ATF6: variants seen among roughly 807,000 people sequenced by gnomAD.
ATF6 encodes cyclic AMP-dependent transcription factor ATF-6 alpha.
A neutral mutation model predicts 83.6 loss-of-function variants in ATF6; 53 were observed. That is an observed-to-expected ratio of 0.63 (90% CI 0.51 to 0.80). ATF6 has a LOEUF of 0.80. Among genes scored for constraint, ATF6 ranks in the 30% least tolerant of loss-of-function variants. The probability of loss-of-function intolerance (pLI) is 0.00; values close to 1 mark genes in which losing one functional copy is unlikely to be tolerated. For missense variants in ATF6, 744 were observed against 797.9 expected (o/e 0.93, Z 0.81); for synonymous variants, 288 against 285.8 (o/e 1.01, Z -0.08).
intron 9 of ATF6, among the ~76,000 whole-genome samples, chr1:161,823,006 A>G (rs1278681645): frequency 6.6e-6 from 1 of 152,158 alleles, no homozygotes; most frequent in Admixed American, 6.5e-5. Flanking sequence ...ATTCTCTTTT[A>G]ATACTACATA....
rs933368387 is a variant in ATF6, at chr1:161,834,619, C to G, written c.1188-11830C>G. Among the ~76,000 whole-genome samples the G allele has an allele frequency of 3.7e-5, 4 of 109,544 alleles. No homozygotes were observed. In the Admixed American group the frequency reaches 4.1e-4, roughly 11 times the overall value. 71.9% of individuals were successfully genotyped at this position (109,544 alleles called of 152,430 possible). ...AAAGGGGAACATCACACACTGGAGA[C>G]TGTTGTGGTGTGGGGGGAGGGGGGA... On this transcript the variant is annotated intron_variant, in intron 9 of 15. Transcript: ENST00000367942.
chr1:161,828,719 A>G (rs1358684708), intron 9 of ATF6, among the ~76,000 whole-genome samples: 1 of 152,238 alleles, frequency 6.6e-6, no homozygotes, highest in Non-Finnish European at 1.5e-5. Context: ...TAATCAGGTT[A>G]GAGCCTAAAT....
intron 1 of ATF6, among the ~76,000 whole-genome samples, chr1:161,771,000 T>C (rs1419183177): frequency 6.6e-6 from 1 of 152,236 alleles, no homozygotes; most frequent in Non-Finnish European, 1.5e-5. Context: ...ACATTTGGTG[T>C]TGCCAGTACT....
At chr1:161,772,967 T>G (rs897088038) in intron 1 of ATF6, among the ~76,000 whole-genome samples, 4 of 143,820 alleles carry the variant, frequency 2.8e-5, no homozygotes, top group Admixed American at 7.0e-5. Flanking sequence ...ACTCCTGTTT[T>G]TTTTTTTTTT....
At chr1:161,828,859 G>T (rs1204764004) in intron 9 of ATF6, among the ~76,000 whole-genome samples, 1 of 152,116 alleles carries the variant, frequency 6.6e-6, no homozygotes, top group African/African-American at 2.4e-5. Context: ...CTTTATAAAA[G>T]AAAGTGTCCA....
At chr1:161,939,243 CTCTT>C (rs1688597548) in intron 15 of ATF6, among the ~76,000 whole-genome samples, 2 of 152,206 alleles carry the variant, frequency 1.3e-5, no homozygotes, top group African/African-American at 4.8e-5. Flanking sequence ...TCTCATTTGA[CTCTT>C]TCTCTTCTCC....
At chr1:161,810,152 C>G in intron 7 of ATF6, among the ~76,000 whole-genome samples, 1 of 152,164 alleles carries the variant, frequency 6.6e-6, no homozygotes, top group Admixed American at 6.6e-5. Flanking sequence ...AGTCAGTTCT[C>G]ACACTTCTAT....
intron 1 of ATF6, among the ~76,000 whole-genome samples, chr1:161,769,876 T>A (rs1684345586): frequency 6.6e-6 from 1 of 151,892 alleles, no homozygotes; most frequent in African/African-American, 2.4e-5. Flanking sequence ...TGATGGGGAG[T>A]GGCTGTAAAT....
intron 9 of ATF6, among the ~76,000 whole-genome samples, chr1:161,826,064 T>C (rs1299070989): frequency 6.6e-6 from 1 of 152,208 alleles, no homozygotes; most frequent in Non-Finnish European, 1.5e-5. Context: ...TATTATTTCT[T>C]ATTATATCGC....
intron 9 of ATF6, among the ~76,000 whole-genome samples, chr1:161,836,098 G>T (rs2340715): frequency 0.14 from 21,540 of 152,122 alleles, 2,090 homozygotes; most frequent in East Asian, 0.31. Context: ...TAAGGAAAAG[G>T]TAACCACGGA....
At chr1:161,788,733 G>T (rs1216175847) in intron 4 of ATF6, among the ~76,000 whole-genome samples, 5 of 151,960 alleles carry the variant, frequency 3.3e-5, no homozygotes, top group Non-Finnish European at 7.4e-5. Flanking sequence ...ATTATGTAGG[G>T]ATCTAGCACT....
intron 3 of ATF6, 45 bp from the exon 4 acceptor site, chr1:161,783,945 G>C: frequency 1.5e-6 from 2 of 1,307,496 alleles, no homozygotes; most frequent in South Asian, 2.5e-5. Flanking sequence ...TTTATTATAA[G>C]TTTTTATTGT....
intron 15 of ATF6, among the ~76,000 whole-genome samples, chr1:161,941,914 G>C (rs879264201): frequency 8.6e-5 from 13 of 151,674 alleles, no homozygotes; most frequent in Non-Finnish European, 1.9e-4. Context: ...CTCATCCACT[G>C]TCTTCTTTGT....
At chr1:161,773,947 G>T (rs992617889) in intron 1 of ATF6, among the ~76,000 whole-genome samples, 3 of 151,930 alleles carry the variant, frequency 2.0e-5, no homozygotes, top group Admixed American at 2.0e-4. Context: ...ATAAACGTGC[G>T]TTTTCCTTAT....
intron 14 of ATF6, among the ~76,000 whole-genome samples, chr1:161,903,912 G>T (rs939899584): frequency 3.3e-5 from 5 of 152,166 alleles, no homozygotes; most frequent in African/African-American, 1.2e-4. Flanking sequence ...CTTGTTAATA[G>T]TGAAAAATTC....
At chr1:161,838,361 C>T (rs1370082376) in intron 9 of ATF6, among the ~76,000 whole-genome samples, 2 of 152,090 alleles carry the variant, frequency 1.3e-5, no homozygotes, top group East Asian at 3.8e-4. Flanking sequence ...ACAAACCACC[C>T]CAAAACCTAA....
intron 9 of ATF6, among the ~76,000 whole-genome samples, chr1:161,822,747 G>T (rs1041721877): frequency 1.3e-5 from 2 of 152,186 alleles, no homozygotes; most frequent in African/African-American, 2.4e-5. Context: ...ACATAATAGG[G>T]TCACTTGACC....
intron 9 of ATF6, among the ~76,000 whole-genome samples, chr1:161,845,540 G>T (rs1686464484): frequency 6.6e-6 from 1 of 152,098 alleles, no homozygotes; most frequent in African/African-American, 2.4e-5. Context: ...GGCCAAGGTG[G>T]GAGGATAGCT....
chr1:161,897,667 A>G (rs1687703031), intron 14 of ATF6, among the ~76,000 whole-genome samples: 1 of 152,206 alleles, frequency 6.6e-6, no homozygotes, highest in Non-Finnish European at 1.5e-5. Context: ...AGTAGTCACT[A>G]GTCTTGAAAT....
Sources: gnomAD v4.1 joint callset for allele counts (sites outside exome capture counted in the v4.1 genomes callset) on GRCh38, gnomAD v4.1.1 for gene constraint, MANE v1.5 for transcripts, NCBI Gene and HGNC (gene_info 2026-07-23, HGNC 2026-07-21) for gene names.